Variants in NR1D1 observed in about 807,000 individuals in gnomAD.
NR1D1 encodes the protein nuclear receptor subfamily 1 group D member 1.
A neutral mutation model predicts 51.1 loss-of-function variants in NR1D1; 17 were observed. The ratio of observed to expected loss-of-function variants is 0.33; its 90% CI spans 0.23 to 0.50. The LOEUF (loss-of-function observed/expected upper bound fraction) is 0.50. Among genes scored for constraint, NR1D1 ranks in the 20% least tolerant of loss-of-function variants. The pLI, the probability that NR1D1 is intolerant of heterozygous loss-of-function variation, is 0.98. For missense variants in NR1D1, 647 were observed against 830.4 expected, an observed-to-expected ratio of 0.78 and a Z score of 2.71; for synonymous variants, 341 against 333.4, an observed-to-expected ratio of 1.02 and a Z score of -0.25.
Position 40,097,096 on chromosome 17 carries a change from C to A in NR1D1, c.339G>T (p.Val113=). 1 of 1,605,252 alleles carries A rather than the reference C, an allele frequency of 6.2e-7. No homozygotes were observed. Among genetic ancestry groups the A allele is most frequent in the Non-Finnish European group, 8.5e-7 (1 of 1,175,256 alleles). Residue 113 remains valine (V), a synonymous_variant, in exon 2 of 8, where the codon GTG becomes GTT. Transcript: ENST00000246672. ...TGTTGCTGGTGCTCTTGCTGGGGGA[C>A]ACTCGGCTGCTGTCCTCCATGGCCA... ...LQVAMEDSSR[V]SPSKSTSNIT...
In NR1D1 at chr17:40,100,186, G is replaced by C. The variant is rs1236505373; in HGVS notation, c.-92C>G. 1 of 1,025,304 alleles carries C rather than the reference G, an allele frequency of 9.8e-7. No homozygotes were observed. Among genetic ancestry groups the C allele is most frequent in the Non-Finnish European group, 1.5e-6 (1 of 647,228 alleles). 63.5% of individuals were successfully genotyped at this position (1,025,304 alleles called of 1,614,324 possible). The stretch of plus-strand genomic sequence containing the variant: ...CTGTTGCCCCCTGGGCACTGGCTAA[G>C]GGCGGGGAGTGGACCCCGCGACTCA... On this transcript the variant is annotated 5_prime_UTR_variant, in exon 1 of 8. Transcript: ENST00000246672.
Position 40,094,992 on chromosome 17 carries a change from G to A in NR1D1, c.1377C>T (p.Gly459=). The A allele has an allele frequency of 6.2e-7, 1 of 1,614,186 alleles. No individual in the cohort carries two copies. The highest frequency in any genetic ancestry group is 8.5e-7 in the Non-Finnish European group (1 of 1,180,026). ...EVVEFAKHIP[G]FRDLSQHDQV... ...GGTCATGCTGAGAAAGGTCACGGAA[G>A]CCCGGGATGTGTTTGGCAAACTCTA... The change falls in exon 6 of 8, where the codon GGC becomes GGT. Residue 459 remains glycine (G), a synonymous_variant. Transcript: ENST00000246672.
chr17:40,100,174 G>T lies in NR1D1; in HGVS notation c.-80C>A, dbSNP rs1004519921. The T allele has an allele frequency of 5.3e-6, 6 of 1,133,048 alleles. No homozygotes were observed. The African/African-American group carries it at 9.2e-5, about 17-fold the overall frequency. 70.2% of individuals were successfully genotyped at this position (1,133,048 alleles called of 1,614,324 possible). A position where few individuals can be genotyped will look rare whatever the true frequency, so the allele number is the denominator to read the frequency against. On this transcript the variant is annotated 5_prime_UTR_variant, in exon 1 of 8. Transcript: ENST00000246672. ...TTGCGATCGCCGCTGTTGCCCCCTGGGCACTGGCTAAGGGCGGGGAGTGGA... is the reference window on the plus strand; with the variant it reads ...TTGCGATCGCCGCTGTTGCCCCCTGTGCACTGGCTAAGGGCGGGGAGTGGA...
Position 40,093,298 on chromosome 17 carries a change from C to G in NR1D1, c.1646-16G>C. ...CCCGAGCGGTCTGTGGGGAAGACGA[C>G]AGCAGTGAGGCGGACTCCCCGAGCT... On this transcript the variant is annotated splice_polypyrimidine_tract_variant and intron_variant, in intron 7 of 7. Coordinates refer to ENST00000246672, the MANE Select transcript of NR1D1 (RefSeq NM_021724.5). This position sits in a 1 kb window ranked among gnomAD's most constrained non-coding sequence, Gnocchi z 5.9. 6.2e-7 allele frequency: 1 copy of G among 1,613,562 alleles called. No individual in the cohort carries two copies. The highest frequency in any genetic ancestry group is 8.5e-7 in the Non-Finnish European group (1 of 1,180,034).
Position 40,096,106 on chromosome 17 carries a change from A to G in NR1D1, c.605-19T>C, listed in dbSNP as rs377308451. 1.5e-4 allele frequency: 235 copies of G among 1,606,796 alleles called. 3 individuals are homozygous for G. In the South Asian group the frequency reaches 2.4e-3, roughly 16 times the overall value. Reference sequence around the variant, plus strand: ...CGCACAGCTGCAACAGGATGAGAACAGCATCAGGAAGTTCTCAACCATGCT... The same window carrying G: ...CGCACAGCTGCAACAGGATGAGAACGGCATCAGGAAGTTCTCAACCATGCT... On this transcript the variant is annotated intron_variant, in intron 4 of 7. Coordinates refer to ENST00000246672, the MANE Select transcript of NR1D1 (RefSeq NM_021724.5).
At chr17:40,097,863 A>G (rs1987795820) in intron 1 of NR1D1, among the ~76,000 whole-genome samples, 1 of 152,222 alleles carries the variant, frequency 6.6e-6, no homozygotes, top group Non-Finnish European at 1.5e-5. Flanking sequence ...AGAGATAGGT[A>G]GCCAACAGTA....
Position 40,096,008 on chromosome 17 carries a change from G to T in NR1D1, c.684C>A (p.Asn228Lys). The change falls in exon 5 of 8, where the codon AAC becomes AAA. Residue 228 changes from asparagine (N) to lysine (K), a missense_variant. This residue lies in a region of NR1D1 where 48 missense variants were observed against 42.9 expected (regional missense o/e 1.12). Coordinates refer to ENST00000246672, the MANE Select transcript of NR1D1 (RefSeq NM_021724.5). The part of the protein sequence containing the change: ...AEMQSAMNLA[N>K]NQLSSQCPLE... ...GCGGGCACTGGCTGCTCAACTGGTTGTTGGCCAGGTTCATGGCACTCTGCA... is the reference window on the plus strand; with the variant it reads ...GCGGGCACTGGCTGCTCAACTGGTTTTTGGCCAGGTTCATGGCACTCTGCA... The T allele has an allele frequency of 1.2e-6, 2 of 1,612,782 alleles. No individual in the cohort carries two copies. Among genetic ancestry groups the T allele is most frequent in the East Asian group, 2.2e-5 (1 of 44,882 alleles).
In NR1D1 at chr17:40,093,464, G is replaced by A. The variant is rs3471; in HGVS notation, c.1646-182C>T. On this transcript the variant is annotated intron_variant, in intron 7 of 7. Transcript: ENST00000246672. This position sits in a 1 kb window ranked among gnomAD's most constrained non-coding sequence, Gnocchi z 5.9. ...TCTGCCCCAAGAGCAGGAGGTGCCT[G>A]AAAGCTGGGAGCGTGGGCTCAGCAG... 1,390 of 1,496,880 alleles carry A rather than the reference G, an allele frequency of 9.3e-4. 2 individuals are homozygous for A. Among genetic ancestry groups the A allele is most frequent in the Non-Finnish European group, 1.1e-3 (1,218 of 1,120,566 alleles). 92.7% of individuals were successfully genotyped at this position (1,496,880 alleles called of 1,614,324 possible). A position where few individuals can be genotyped will look rare whatever the true frequency, so the allele number is the denominator to read the frequency against.
At position 40,094,093 on chromosome 17, in the gene NR1D1, G is replaced by C. The variant is rs1199153953; in HGVS notation, c.1464C>G (p.Phe488Leu). The change falls in exon 7 of 8, where the codon TTC (phenylalanine) becomes TTG (leucine). Residue 488 changes from phenylalanine (F) to leucine (L), a missense_variant. By Grantham distance (22) the Phe-to-Leu change is conservative (BLOSUM62 0). This residue lies in a region of NR1D1 where 155 missense variants were observed against 236.8 expected (regional missense o/e 0.65). Coordinates refer to ENST00000246672, the MANE Select transcript of NR1D1 (RefSeq NM_021724.5). ...EVLMVRFASLFNVKDQTVMFL... is the reference protein window; with the variant it reads ...EVLMVRFASLLNVKDQTVMFL... ...ACATCACTGTCTGGTCCTTCACGTTGAACAACGAAGCAAAGCGCACCATCA... is the reference window on the plus strand; with the variant it reads ...ACATCACTGTCTGGTCCTTCACGTTCAACAACGAAGCAAAGCGCACCATCA... The C allele has an allele frequency of 6.2e-7, 1 of 1,613,986 alleles. No homozygotes were observed. The highest frequency in any genetic ancestry group is 2.2e-5 in the East Asian group (1 of 44,880).
In NR1D1 at chr17:40,095,711, G is replaced by T; in HGVS notation, c.981C>A (p.Thr327=). The change falls in exon 5 of 8, where the codon ACC becomes ACA. Residue 327 remains threonine (T), a synonymous_variant. Coordinates refer to ENST00000246672, the MANE Select transcript of NR1D1 (RefSeq NM_021724.5). ...AGCCCTGATTTTCCCAGCGATGTGG[G>T]GTGGTGGCTGGAGGGCTACCTGATG... ...NHASGSPPAT[T]PHRWENQGCP... is the part of the protein sequence containing the mutation. The T allele has an allele frequency of 6.2e-7, 1 of 1,613,678 alleles. No individual in the cohort carries two copies. The highest frequency in any genetic ancestry group is 1.3e-5 in the African/African-American group (1 of 75,054).
Position 40,093,417 on chromosome 17 carries a change from G to A in NR1D1, c.1646-135C>T, listed in dbSNP as rs1259522617. ...GAAGGCCGATGGGGAAGGAGAAGGA[G>A]TGCCATACCTTCTCCCAGGCCTCTG... is the stretch of plus-strand genomic sequence containing the variant. On this transcript the variant is annotated intron_variant, in intron 7 of 7. Transcript: ENST00000246672. The surrounding 1 kb of genome is among the most constrained non-coding windows in gnomAD (Gnocchi z 5.9). The A allele has an allele frequency of 1.9e-6, 3 of 1,590,210 alleles. No individual in the cohort carries two copies. The highest frequency in any genetic ancestry group is 2.3e-5 in the East Asian group (1 of 44,356).
intron 6 of NR1D1, 48 bp from the exon 7 acceptor site, chr17:40,094,170 T>C (rs1987697299): frequency 6.4e-7 from 1 of 1,558,034 alleles, no homozygotes. Flanking sequence ...GGAGGAGCAC[T>C]GACCAAATCG....
Position 40,100,166 on chromosome 17 carries a change from GCC to G in NR1D1, c.-74_-73del. ...ACTAGAGGTTGCGATCGCCGCTGTT[GCC>G]CCCTGGGCACTGGCTAAGGGCGGGG... On this transcript the variant is annotated 5_prime_UTR_variant, in exon 1 of 8. It introduces an in-frame stop codon into an upstream open reading frame of the 5' UTR. Coordinates refer to ENST00000246672, the MANE Select transcript of NR1D1 (RefSeq NM_021724.5). 7 of 1,219,182 alleles carry G rather than the reference GCC, an allele frequency of 5.7e-6. No homozygotes were observed. Among genetic ancestry groups the G allele is most frequent in the Non-Finnish European group, 8.5e-6 (7 of 821,738 alleles). The allele number at this position is 1,219,182 out of a possible 1,614,324, so 75.5% of individuals were successfully genotyped here. A position where few individuals can be genotyped will look rare whatever the true frequency, so the allele number is the denominator to read the frequency against.
intron 5 of NR1D1, 45 bp from the exon 6 acceptor site, chr17:40,095,165 G>C (rs775712190): frequency 1.3e-6 from 2 of 1,577,550 alleles, no homozygotes; most frequent in East Asian, 2.3e-5. Context: ...AGCCAGGCTG[G>C]GTCAGATGGA....
chr17:40,095,849 A>C lies in NR1D1; in HGVS notation c.843T>G (p.Pro281=). ...ATATCACATCCTCCACTGTGGGCTCAGGGCTTGGGGATCTGGGAGGCGTCA... is the reference window on the plus strand; with the variant it reads ...ATATCACATCCTCCACTGTGGGCTCCGGGCTTGGGGATCTGGGAGGCGTCA... ...QQLTPPRSPS[P]EPTVEDVISQ... Residue 281 remains proline, a synonymous_variant, in exon 5 of 8, where the codon CCT becomes CCG. Coordinates refer to ENST00000246672, the MANE Select transcript of NR1D1 (RefSeq NM_021724.5). 6.2e-7 allele frequency: 1 copy of C among 1,611,858 alleles called. No homozygotes were observed. The highest frequency in any genetic ancestry group is 8.5e-7 in the Non-Finnish European group (1 of 1,179,402).
chr17:40,099,131 A>G (rs1050741191), intron 1 of NR1D1, among the ~76,000 whole-genome samples: 12 of 151,952 alleles, frequency 7.9e-5, no homozygotes, highest in African/African-American at 2.9e-4. Flanking sequence ...AGCCGGCCTC[A>G]CGTCCCTGCT....
chr17:40,093,630 G>A lies in NR1D1; in HGVS notation c.1645+282C>T. 1.5e-6 allele frequency: 1 copy of A among 677,726 alleles called. No homozygotes were observed. Among genetic ancestry groups the A allele is most frequent in the South Asian group, 2.0e-5 (1 of 50,582 alleles). 42.0% of individuals were successfully genotyped at this position (677,726 alleles called of 1,614,324 possible). A position where few individuals can be genotyped will look rare whatever the true frequency, so the allele number is the denominator to read the frequency against. ...TTCTCTGCCTGGCAACATCTTACTT[G>A]TCCTTTGAGGCCCCAACTCAAGTGT... On this transcript the variant is annotated intron_variant, in intron 7 of 7. Coordinates refer to ENST00000246672, the MANE Select transcript of NR1D1 (RefSeq NM_021724.5). The surrounding 1 kb of genome is among the most constrained non-coding windows in gnomAD (Gnocchi z 5.9).
chr17:40,094,241 T>C, intron 6 of NR1D1, 119 bp from the exon 7 acceptor site: 1 of 880,570 alleles, frequency 1.1e-6, no homozygotes, highest in Non-Finnish European at 1.8e-6. Flanking sequence ...AGAGTGGGGG[T>C]TGTTTCTGAA....
chr17:40,096,226 C>A (rs1987760191), intron 4 of NR1D1, 139 bp from the exon 5 acceptor site: 2 of 1,365,420 alleles, frequency 1.5e-6, no homozygotes, highest in Non-Finnish European at 2.0e-6. Context: ...CCCCACCCAT[C>A]AAGGGGGTTT....
Sources: gnomAD v4.1 joint callset for allele counts (sites outside exome capture counted in the v4.1 genomes callset) on GRCh38, gnomAD v4.1.1 for gene constraint, gnomAD v4.1.1 regional missense constraint, Gnocchi (gnomAD v3.1) non-coding constraint, MANE v1.5 for transcripts, NCBI Gene and HGNC (gene_info 2026-07-23, HGNC 2026-07-21) for gene names.